The following MFSD2B variants were observed in gnomAD, a reference collection of about 807,000 sequenced individuals.
The protein encoded by MFSD2B is MFSD2 lysolipid transporter B, sphingolipid, also known as sphingosine-1-phosphate transporter MFSD2B.
MFSD2B carries 56 observed loss-of-function variants against 58.4 expected under a neutral mutation model. The ratio of observed to expected loss-of-function variants is 0.96; its 90% CI spans 0.77 to 1.20. The LOEUF is 1.20. MFSD2B is among the 50% of genes most tolerant of loss of function. The probability of loss-of-function intolerance (pLI) is 0.00; values close to 1 mark genes in which losing one functional copy is unlikely to be tolerated. For synonymous variants in MFSD2B, 287 were observed against 294.4 expected (o/e 0.97, Z 0.26); for missense variants, 645 against 667.6 (o/e 0.97, Z 0.37).
Position 24,022,637 on chromosome 2 carries a change from T to A in MFSD2B, c.978+121T>A. 2.2e-6 allele frequency: 2 copies of A among 921,308 alleles called. No homozygotes were observed. Among genetic ancestry groups the A allele is most frequent in the Non-Finnish European group, 3.3e-6 (2 of 609,852 alleles). The allele number at this position is 921,308 out of a possible 1,614,324, so 57.1% of individuals were successfully genotyped here. ...GTGGTCAACATTTTGGACTTTGCTTTGGTCTTGGTCACCTGCATTCCAGCA... is the reference window on the plus strand; with the variant it reads ...GTGGTCAACATTTTGGACTTTGCTTAGGTCTTGGTCACCTGCATTCCAGCA... On this transcript the variant is annotated intron_variant, in intron 9 of 13. Transcript: ENST00000338315. This position sits in a 1 kb window ranked among gnomAD's most constrained non-coding sequence, Gnocchi z 4.5.
At position 24,025,488 on chromosome 2, in the gene MFSD2B, G is replaced by A. The variant is rs868085862; in HGVS notation, c.*32G>A. The A allele has an allele frequency of 1.2e-5, 18 of 1,533,974 alleles. No homozygotes were observed. The African/African-American group carries it at 1.4e-4, about 12-fold the overall frequency. On this transcript the variant is annotated 3_prime_UTR_variant, in exon 14 of 14. Transcript: ENST00000338315. The stretch of plus-strand genomic sequence containing the variant: ...GGAGGGCGACTGTGAATGGACACAG[G>A]AGCCAGCACCCTCGGGGCCTGACAT...
rs1328964443 is a variant in MFSD2B at position 24,021,375 on chromosome 2, G to C, written c.682-273G>C. The stretch of plus-strand genomic sequence containing the variant: ...AGCAGCAGTCAATGTTTGCTTCATA[G>C]AATGTGGGAAGGAGCACTTTGGCTC... On this transcript the variant is annotated intron_variant, in intron 6 of 13. Transcript: ENST00000338315. This position sits in a 1 kb window ranked among gnomAD's most constrained non-coding sequence, Gnocchi z 5.7. Among the ~76,000 whole-genome samples, 1 of 152,168 alleles carries C rather than the reference G, an allele frequency of 6.6e-6. No homozygotes were observed. Among genetic ancestry groups the C allele is most frequent in the African/African-American group, 2.4e-5 (1 of 41,452 alleles).
intron 6 of MFSD2B, chr2:24,018,629 G>A (rs1027940101): frequency 1.3e-4 from 23 of 181,412 alleles, no homozygotes; most frequent in Middle Eastern, 2.1e-3. Context: ...GTTCTGTTGG[G>A]GAGGGGTAGC....
chr2:24,018,527 G>C (rs1454420183), intron 6 of MFSD2B: 1 of 183,300 alleles, frequency 5.5e-6, no homozygotes, highest in Non-Finnish European at 1.2e-5. Context: ...CAGTCCCAGG[G>C]AAGGTGGGGC....
rs1459757522 is a variant in MFSD2B at position 24,025,406 on chromosome 2, TCCTTGGCTTCCTTCC to T, written c.1491-24_1491-10del. 6.5e-7 allele frequency: 1 copy of T among 1,535,712 alleles called. No individual in the cohort carries two copies. Among genetic ancestry groups the T allele is most frequent in the African/African-American group, 1.4e-5 (1 of 73,034 alleles). On this transcript the variant is annotated splice_polypyrimidine_tract_variant and intron_variant, in intron 13 of 13. Transcript: ENST00000338315. ...AGGGCCCACACCACTTCCATCCTTC[TCCTTGGCTTCCTTCC>T]CTTCCCACAGGAGGACCAGCTACAG...
rs191156209 is a variant in MFSD2B, at chr2:24,019,475, C to T, written c.681+1887C>T. Among the ~76,000 whole-genome samples, 1,329 of 152,228 alleles carry T rather than the reference C, an allele frequency of 8.7e-3. 6 individuals are homozygous for T. The highest frequency in any genetic ancestry group is 0.016 in the Non-Finnish European group (1,059 of 68,030). On this transcript the variant is annotated intron_variant, in intron 6 of 13. Coordinates refer to ENST00000338315, the MANE Select transcript of MFSD2B (RefSeq NM_001346880.2). The stretch of plus-strand genomic sequence containing the variant: ...CGGTGGCTCACGCCTGTAATCCCAG[C>T]ACTTTGAGGGGCCGAGGTGGGTGGA...
Position 24,012,597 on chromosome 2 carries a change from C to T in MFSD2B, c.97-688C>T, listed in dbSNP as rs1014728587. Among the ~76,000 whole-genome samples the T allele has an allele frequency of 3.3e-5, 5 of 152,176 alleles. No individual in the cohort carries two copies. Among genetic ancestry groups the T allele is most frequent in the Non-Finnish European group, 7.3e-5 (5 of 68,038 alleles). On this transcript the variant is annotated intron_variant, in intron 1 of 13. Transcript: ENST00000338315. The surrounding 1 kb of genome is among the most constrained non-coding windows in gnomAD (Gnocchi z 4.5). ...TGGAGTGGATTGTAGGGAGCAAGGG[C>T]AGACACAGAAGCCACTTAGGAGGCA... is the stretch of plus-strand genomic sequence containing the variant.
At chr2:24,010,328 C>G (rs1708912185) in intron 1 of MFSD2B, 136 bp downstream of exon 1, 1 of 624,834 alleles carries the variant, frequency 1.6e-6, no homozygotes, top group African/African-American at 1.9e-5. Flanking sequence ...GCTGCCCTCG[C>G]GGGGTTACAC....
In MFSD2B at chr2:24,016,220, C is replaced by G. The variant is rs753055604; in HGVS notation, c.287C>G (p.Pro96Arg). ...AAAGTGTCTGGGGCGGCTGCTGACCCTGTGGCTGGGTTCTTCATCAACAGG... is the reference window on the plus strand; with the variant it reads ...AAAGTGTCTGGGGCGGCTGCTGACCGTGTGGCTGGGTTCTTCATCAACAGG... Reference protein sequence around the residue: ...GGKVSGAAADPVAGFFINRSQ... With the variant: ...GGKVSGAAADRVAGFFINRSQ... Residue 96 changes from proline (P) to arginine (R), a missense_variant, in exon 3 of 14, where the codon CCT becomes CGT. By Grantham distance (103) the Pro-to-Arg change is moderately radical. Transcript: ENST00000338315. 1 of 1,614,018 alleles carries G rather than the reference C, an allele frequency of 6.2e-7. No homozygotes were observed. Among genetic ancestry groups the G allele is most frequent in the Non-Finnish European group, 8.5e-7 (1 of 1,179,886 alleles).
In MFSD2B at chr2:24,024,137, G is replaced by A. The variant is rs1227594377; in HGVS notation, c.1356G>A (p.Glu452=). ...CAGGGGTCTGCAAGCAAGCAGAGGA[G>A]GTGGTGGTCACCCTCAAAGTCCTCA... ...YKAGVCKQAE[E]VVVTLKVLIG... The change falls in exon 13 of 14, where the codon GAG becomes GAA. Residue 452 remains glutamate (E), a synonymous_variant. Coordinates refer to ENST00000338315, the MANE Select transcript of MFSD2B (RefSeq NM_001346880.2). This position sits in a 1 kb window ranked among gnomAD's most constrained non-coding sequence, Gnocchi z 4.3. The A allele has an allele frequency of 6.2e-7, 1 of 1,613,918 alleles. No homozygotes were observed. Among genetic ancestry groups the A allele is most frequent in the African/African-American group, 1.3e-5 (1 of 75,034 alleles).
In MFSD2B at chr2:24,022,930, G is replaced by A; in HGVS notation, c.1059+28G>A. On this transcript the variant is annotated intron_variant, in intron 10 of 13. Coordinates refer to ENST00000338315, the MANE Select transcript of MFSD2B (RefSeq NM_001346880.2). The surrounding 1 kb of genome is among the most constrained non-coding windows in gnomAD (Gnocchi z 4.5). ...GAGTGAGGCGGGAATCAAGGATTGG[G>A]GGTGGCCGGAGGGGAGAGGTGAGCG... 1 of 1,592,972 alleles carries A rather than the reference G, an allele frequency of 6.3e-7. No homozygotes were observed. Among genetic ancestry groups the A allele is most frequent in the South Asian group, 1.1e-5 (1 of 87,366 alleles).
intron 2 of MFSD2B, among the ~76,000 whole-genome samples, chr2:24,014,484 A>G (rs993607581): frequency 2.0e-5 from 3 of 152,178 alleles, no homozygotes; most frequent in Non-Finnish European, 4.4e-5. Context: ...AGTGTGGCCC[A>G]CAGAAGTCAA....
intron 6 of MFSD2B, chr2:24,018,508 C>G (rs1298637763): frequency 5.5e-6 from 1 of 182,558 alleles, no homozygotes; most frequent in East Asian, 8.9e-5. Flanking sequence ...GCTGGGTGAC[C>G]GACTACCCCA....
At chr2:24,019,715 A>G (rs1011429391) in intron 6 of MFSD2B, among the ~76,000 whole-genome samples, 3 of 152,060 alleles carry the variant, frequency 2.0e-5, no homozygotes, top group African/African-American at 7.2e-5. Context: ...CACCTTGCCT[A>G]TGTACTCTGC....
intron 2 of MFSD2B, among the ~76,000 whole-genome samples, chr2:24,015,207 G>A (rs548910524): frequency 6.6e-5 from 10 of 152,030 alleles, no homozygotes; most frequent in East Asian, 1.9e-4. Flanking sequence ...AGGTCAAGGC[G>A]GGAGGACCGT....
At chr2:24,016,435 TAAG>T (rs1489420158) in intron 3 of MFSD2B, among the ~76,000 whole-genome samples, 155 bp downstream of exon 3, 1 of 152,138 alleles carries the variant, frequency 6.6e-6, no homozygotes, top group Non-Finnish European at 1.5e-5. Flanking sequence ...CTGTGAGTGA[TAAG>T]GAGTTCAGAG....
At chr2:24,011,523 C>A (rs1420715250) in intron 1 of MFSD2B, among the ~76,000 whole-genome samples, 1 of 152,162 alleles carries the variant, frequency 6.6e-6, no homozygotes, top group African/African-American at 2.4e-5. Context: ...CTTCCCTTCA[C>A]AAGAGCCTGC....
rs1232509050 is a variant in MFSD2B, at chr2:24,010,153, C to T, written c.57C>T (p.Ala19=). ...AKGSPQPEPH[A]PEPGPGSAKR... is the part of the protein sequence containing the mutation. ...GGTCCCCGCAGCCGGAGCCGCACGC[C>T]CCAGAGCCCGGCCCGGGGAGCGCCA... Residue 19 remains alanine, a synonymous_variant, in exon 1 of 14, where the codon GCC becomes GCT. Transcript: ENST00000338315. The T allele has an allele frequency of 1.4e-6, 2 of 1,454,344 alleles. No homozygotes were observed. Among genetic ancestry groups the T allele is most frequent in the African/African-American group, 1.5e-5 (1 of 67,802 alleles). The allele number at this position is 1,454,344 out of a possible 1,614,324, so 90.1% of individuals were successfully genotyped here.
At chr2:24,015,360 G>A (rs536721265) in intron 2 of MFSD2B, among the ~76,000 whole-genome samples, 2 of 151,978 alleles carry the variant, frequency 1.3e-5, no homozygotes, top group Non-Finnish European at 2.9e-5. Flanking sequence ...GCTGAGGTGG[G>A]AGAATCACCT....
Sources: allele counts gnomAD v4.1 joint callset (sites outside exome capture counted in the v4.1 genomes callset), GRCh38; gene constraint gnomAD v4.1.1; non-coding constraint Gnocchi (gnomAD v3.1); transcripts MANE v1.5; gene names NCBI Gene and HGNC (gene_info 2026-07-23, HGNC 2026-07-21).